The following TPD52L1 variants were observed in gnomAD, a reference collection of about 807,000 sequenced individuals.
TPD52L1 encodes the protein tumor protein D53.
In TPD52L1, 18 loss-of-function variants were observed where a neutral mutation model predicts 28.7. That is an observed-to-expected ratio of 0.63 (90% confidence interval 0.43 to 0.93). The LOEUF (loss-of-function observed/expected upper bound fraction) is 0.93, where lower values mean the gene tolerates loss of function less well. Ranked by LOEUF, TPD52L1 falls within the 40% of genes least tolerant of loss-of-function variation. The pLI, the probability that TPD52L1 is intolerant of heterozygous loss-of-function variation, is 0.00. For synonymous variants in TPD52L1, 75 were observed against 88.8 expected (o/e 0.84, Z 0.88); for missense variants, 203 against 254.8 (o/e 0.80, Z 1.39).
intron 4 of TPD52L1, chr6:125,251,904 T>C (rs1348629600): frequency 3.1e-6 from 3 of 976,072 alleles, no homozygotes; most frequent in Non-Finnish European, 4.6e-6. Context: ...TAAATGAAGC[T>C]ACCCTGTCTG....
intron 6 of TPD52L1, among the ~76,000 whole-genome samples, chr6:125,258,313 A>AT (rs1248705710): frequency 6.6e-6 from 1 of 152,192 alleles, no homozygotes; most frequent in Admixed American, 6.5e-5. Flanking sequence ...ACCGCTCTGC[A>AT]TGCCAACATC....
chr6:125,164,082 A>G (rs113916930), intron 1 of TPD52L1, among the ~76,000 whole-genome samples: 3,077 of 152,310 alleles, frequency 0.02, 65 homozygotes, highest in Middle Eastern at 0.068. Context: ...ATTTGAAATC[A>G]GAAAGTTTGA....
At chr6:125,229,673 C>T (rs868837103) in intron 3 of TPD52L1, among the ~76,000 whole-genome samples, 1 of 152,182 alleles carries the variant, frequency 6.6e-6, no homozygotes, top group Non-Finnish European at 1.5e-5. Flanking sequence ...AAGTGGTTGG[C>T]AGTTTCAATA....
chr6:125,242,584 G>A (rs1796679055), intron 3 of TPD52L1, among the ~76,000 whole-genome samples: 1 of 152,022 alleles, frequency 6.6e-6, no homozygotes, highest in Non-Finnish European at 1.5e-5. Context: ...TTTAAAGTCT[G>A]TTTTGCTTGA....
At chr6:125,252,056 G>A (rs1211454769) in intron 4 of TPD52L1, 5 of 1,536,014 alleles carry the variant, frequency 3.3e-6, no homozygotes, top group Non-Finnish European at 4.4e-6. Flanking sequence ...ACAGGGCTGC[G>A]TGTGGGGCTT....
intron 1 of TPD52L1, among the ~76,000 whole-genome samples, chr6:125,174,018 C>T (rs993523795): frequency 6.6e-6 from 1 of 152,156 alleles, no homozygotes; most frequent in Non-Finnish European, 1.5e-5. Flanking sequence ...CCCTTATTAG[C>T]GATGTGACCT....
intron 2 of TPD52L1, among the ~76,000 whole-genome samples, chr6:125,226,120 T>G (rs1795592446): frequency 6.6e-6 from 1 of 152,228 alleles, no homozygotes; most frequent in East Asian, 1.9e-4. Flanking sequence ...TTTCCAACTT[T>G]TGCGATTAGT....
chr6:125,232,124 A>G (rs1187246526), intron 3 of TPD52L1, among the ~76,000 whole-genome samples: 1 of 152,220 alleles, frequency 6.6e-6, no homozygotes, highest in Admixed American at 6.5e-5. Context: ...TTTGGGATTC[A>G]ACTGCATATA....
chr6:125,196,998 CAT>C lies in TPD52L1; in HGVS notation c.20-23079_20-23078del, dbSNP rs766205857. Among the ~76,000 whole-genome samples, 243 of 152,342 alleles carry C rather than the reference CAT, an allele frequency of 1.6e-3. 2 individuals are homozygous for C. The highest frequency in any genetic ancestry group is 1.7e-3 in the Non-Finnish European group (116 of 68,030). The stretch of plus-strand genomic sequence containing the variant: ...GATCTGTGCCTTTCATCAGAATAAT[CAT>C]GTCCTGAATCTCCCACTGGGGTTGT... On this transcript the variant is annotated intron_variant, in intron 1 of 6. Coordinates refer to ENST00000534000, the MANE Select transcript of TPD52L1 (RefSeq NM_003287.4).
chr6:125,236,432 C>T (rs1350403469), intron 3 of TPD52L1, among the ~76,000 whole-genome samples: 1 of 152,156 alleles, frequency 6.6e-6, no homozygotes, highest in African/African-American at 2.4e-5. Context: ...ATATATACTT[C>T]TCTCTAGCTA....
At chr6:125,254,031 T>A in intron 5 of TPD52L1, 1 of 605,658 alleles carries the variant, frequency 1.7e-6, no homozygotes, top group South Asian at 1.6e-5. Flanking sequence ...ACCTACTTCA[T>A]ATGGTGTTTG....
chr6:125,206,009 A>C (rs147901875), intron 1 of TPD52L1, among the ~76,000 whole-genome samples: 3 of 152,204 alleles, frequency 2.0e-5, no homozygotes, highest in Non-Finnish European at 4.4e-5. Flanking sequence ...ACAACAACAA[A>C]AAAGGAATAG....
intron 1 of TPD52L1, among the ~76,000 whole-genome samples, chr6:125,157,420 G>A (rs1480398746): frequency 1.3e-5 from 2 of 152,218 alleles, no homozygotes; most frequent in South Asian, 2.1e-4. Context: ...AGGACTCTCA[G>A]GGGAGGTGGT....
At chr6:125,183,199 C>G (rs1472180983) in intron 1 of TPD52L1, among the ~76,000 whole-genome samples, 1 of 152,118 alleles carries the variant, frequency 6.6e-6, no homozygotes, top group Non-Finnish European at 1.5e-5. Flanking sequence ...AAATGGAGAC[C>G]AGGTGTGGTG....
chr6:125,203,173 G>A (rs1183514664), intron 1 of TPD52L1, among the ~76,000 whole-genome samples: 2 of 152,060 alleles, frequency 1.3e-5, no homozygotes, highest in African/African-American at 4.8e-5. Flanking sequence ...AGATGGTCTG[G>A]TTATTTTTAG....
At chr6:125,214,913 C>T (rs1002742796) in intron 1 of TPD52L1, among the ~76,000 whole-genome samples, 4 of 152,164 alleles carry the variant, frequency 2.6e-5, no homozygotes, top group South Asian at 2.1e-4. Flanking sequence ...TGAGGTCAAA[C>T]GTACTCTGCT....
chr6:125,236,288 G>C (rs1796256948), intron 3 of TPD52L1, among the ~76,000 whole-genome samples: 1 of 152,112 alleles, frequency 6.6e-6, no homozygotes, highest in Non-Finnish European at 1.5e-5. Flanking sequence ...TATAGAAATA[G>C]ACTTGCATTT....
rs1048852427 is a variant in TPD52L1, at chr6:125,260,959, A to G, written c.487-1875A>G. The G allele has an allele frequency of 3.9e-4, 16 of 41,250 alleles. 1 individual carries two copies. The African/African-American group carries it at 4.1e-3, about 10-fold the overall frequency. 2.6% of individuals were successfully genotyped at this position (41,250 alleles called of 1,614,324 possible). A position where few individuals can be genotyped will look rare whatever the true frequency, so the allele number is the denominator to read the frequency against. On this transcript the variant is annotated intron_variant, in intron 6 of 6. Coordinates refer to ENST00000534000, the MANE Select transcript of TPD52L1 (RefSeq NM_003287.4). ...AAGAAAGAAAGAAAGAAAGAAAGAA[A>G]GAAAGAAAGAAAGAAAGAAAAGAAA...
chr6:125,195,596 A>G (rs142524943), intron 1 of TPD52L1, among the ~76,000 whole-genome samples: 26 of 152,330 alleles, frequency 1.7e-4, no homozygotes, highest in African/African-American at 5.5e-4. Context: ...CTCTGATGAT[A>G]CTGAACAAAT....
Sources: gnomAD v4.1 joint callset for allele counts (sites outside exome capture counted in the v4.1 genomes callset) on GRCh38, gnomAD v4.1.1 for gene constraint, MANE v1.5 for transcripts, NCBI Gene and HGNC (gene_info 2026-07-23, HGNC 2026-07-21) for gene names.